Variants in ZBTB7C observed in about 807,000 individuals in gnomAD.
ZBTB7C encodes the protein zinc finger and BTB domain-containing protein 7C.
A neutral mutation model predicts 25.7 loss-of-function variants in ZBTB7C; 8 were observed. The observed-to-expected ratio is 0.31, with a 90% CI of 0.18 to 0.56. ZBTB7C has a LOEUF of 0.56. Ranked by LOEUF, ZBTB7C falls within the 20% of genes least tolerant of loss-of-function variation. The pLI is 0.91. For missense variants in ZBTB7C, 824 were observed against 855.2 expected (o/e 0.96, Z 0.46); for synonymous variants, 394 against 369.0 (o/e 1.07, Z -0.78).
chr18:48,194,885 G>T (rs1342068573), intron 2 of ZBTB7C, among the ~76,000 whole-genome samples: 1 of 151,610 alleles, frequency 6.6e-6, no homozygotes, highest in East Asian at 2.0e-4. Context: ...ATCTGGGAGG[G>T]GGGAGGGGGC....
intron 2 of ZBTB7C, among the ~76,000 whole-genome samples, chr18:48,211,339 C>G (rs1167929405): frequency 5.9e-5 from 9 of 152,058 alleles, no homozygotes; most frequent in Non-Finnish European, 1.3e-4. Context: ...AACTGGTAAG[C>G]TGAACCTCAT....
At chr18:48,397,871 G>A (rs1226633791) in intron 1 of ZBTB7C, among the ~76,000 whole-genome samples, 3 of 152,228 alleles carry the variant, frequency 2.0e-5, no homozygotes, top group South Asian at 2.1e-4. Flanking sequence ...AACCTCACCC[G>A]GGACCAAAGA....
chr18:48,039,777 C>T (rs533766864), intron 4 of ZBTB7C, 123 bp downstream of exon 4: 35 of 1,029,350 alleles, frequency 3.4e-5, no homozygotes, highest in East Asian at 2.6e-4. Flanking sequence ...CTGCTAGCCA[C>T]GAGCCTGCAT....
At chr18:48,043,840 C>T (rs1339430717) in intron 3 of ZBTB7C, among the ~76,000 whole-genome samples, 2 of 152,140 alleles carry the variant, frequency 1.3e-5, no homozygotes, top group African/African-American at 2.4e-5. Flanking sequence ...CGGGAAACAA[C>T]CTAAAGCCAC....
At chr18:48,042,355 C>T (rs961501630) in intron 3 of ZBTB7C, among the ~76,000 whole-genome samples, 16 of 152,326 alleles carry the variant, frequency 1.1e-4, no homozygotes, top group African/African-American at 3.8e-4. Flanking sequence ...CTTCTACTTA[C>T]AGCAAAGCTT....
Position 48,027,363 on chromosome 18 carries a change from T to C in ZBTB7C, c.*1897A>G. ...GGATTCCAATTTATTCATGTTTCCT[T>C]TTTTTTTTTTTTTCCTCTCTTTTAA... is the stretch of plus-strand genomic sequence containing the variant. On this transcript the variant is annotated 3_prime_UTR_variant, in exon 5 of 5. Transcript: ENST00000590800. 7.1e-6 allele frequency: 1 copy of C among 140,616 alleles called. No individual in the cohort carries two copies. Among genetic ancestry groups the C allele is most frequent in the South Asian group, 2.2e-4 (1 of 4,616 alleles). 8.7% of individuals were successfully genotyped at this position (140,616 alleles called of 1,614,324 possible).
At chr18:48,224,246 A>G (rs931852836) in intron 2 of ZBTB7C, among the ~76,000 whole-genome samples, 1 of 152,232 alleles carries the variant, frequency 6.6e-6, no homozygotes, top group Non-Finnish European at 1.5e-5. Flanking sequence ...CCATACTCAT[A>G]GGCTCAGCAC....
At chr18:48,309,806 C>T (rs192381372) in intron 2 of ZBTB7C, among the ~76,000 whole-genome samples, 82 of 152,282 alleles carry the variant, frequency 5.4e-4, no homozygotes, top group African/African-American at 1.9e-3. Context: ...CCTGGCTGCA[C>T]CAAATACTCT....
intron 2 of ZBTB7C, among the ~76,000 whole-genome samples, chr18:48,327,606 TGCCCCACA>T (rs1183432602): frequency 6.6e-6 from 1 of 152,144 alleles, no homozygotes; most frequent in East Asian, 1.9e-4. Context: ...GGGGGTACAA[TGCCCCACA>T]ACCTGGCATT....
chr18:48,322,182 TG>T (rs2046111883), intron 2 of ZBTB7C, among the ~76,000 whole-genome samples: 1 of 152,208 alleles, frequency 6.6e-6, no homozygotes, highest in Non-Finnish European at 1.5e-5. Flanking sequence ...GGACTTGGCT[TG>T]CCCATAGCCC....
intron 1 of ZBTB7C, among the ~76,000 whole-genome samples, chr18:48,371,839 C>T (rs1367117974): frequency 1.3e-5 from 2 of 152,206 alleles, no homozygotes; most frequent in African/African-American, 4.8e-5. Flanking sequence ...CCATTAATCA[C>T]CACTGTTTCC....
At chr18:48,071,483 C>T (rs996347076) in intron 3 of ZBTB7C, among the ~76,000 whole-genome samples, 12 of 152,162 alleles carry the variant, frequency 7.9e-5, no homozygotes, top group African/African-American at 2.9e-4. Flanking sequence ...GTCAAAGAAA[C>T]TAAATAACAA....
chr18:48,379,778 A>G (rs1436785932), intron 1 of ZBTB7C, among the ~76,000 whole-genome samples: 1 of 152,216 alleles, frequency 6.6e-6, no homozygotes, highest in Non-Finnish European at 1.5e-5. Flanking sequence ...AAACTCAACA[A>G]TAAGAAAACA....
rs140950859 is a variant in ZBTB7C at position 48,351,728 on chromosome 18, T to C, written c.-303-13330A>G. On this transcript the variant is annotated intron_variant, in intron 1 of 4. Transcript: ENST00000590800. ...ACTTATTCAGGAAGACAGGAAGCCT[T>C]TGACAGCAGTGACTGATTAAGATTT... Among the ~76,000 whole-genome samples the C allele has an allele frequency of 4.3e-4, 66 of 152,328 alleles. 1 individual carries two copies. In the East Asian group the frequency reaches 0.01, roughly 24 times the overall value.
At chr18:48,368,242 C>CAAAAAAAAAAAAAAAAACAAAAA in intron 1 of ZBTB7C, among the ~76,000 whole-genome samples, 1 of 95,526 alleles carries the variant, frequency 1.0e-5, no homozygotes, top group Admixed American at 1.1e-4. Flanking sequence ...GAAAGCCTAG[C>CAAAAAAAAAAAAAAAAACAAAAA]AAAAAAAAAA....
chr18:48,189,358 T>C (rs1467381399), intron 2 of ZBTB7C, among the ~76,000 whole-genome samples: 1 of 152,216 alleles, frequency 6.6e-6, no homozygotes, highest in East Asian at 1.9e-4. Flanking sequence ...TTTTTTTCTA[T>C]GCCCTGGATT....
intron 3 of ZBTB7C, among the ~76,000 whole-genome samples, chr18:48,054,466 A>G (rs759568771): frequency 7.9e-5 from 12 of 152,094 alleles, no homozygotes; most frequent in Non-Finnish European, 1.6e-4. Context: ...GACTCATCAC[A>G]GGTGTAAGAT....
chr18:48,161,545 C>A (rs1007385497), intron 3 of ZBTB7C, among the ~76,000 whole-genome samples: 20 of 152,252 alleles, frequency 1.3e-4, no homozygotes, highest in African/African-American at 4.8e-4. Flanking sequence ...GGTTCGCCCA[C>A]CTTTCTCTCC....
chr18:48,260,731 G>C (rs1390264789), intron 2 of ZBTB7C, among the ~76,000 whole-genome samples: 8 of 152,158 alleles, frequency 5.3e-5, no homozygotes, highest in Non-Finnish European at 1.0e-4. Context: ...CAAAACCAAA[G>C]CACAAGACAC....
Sources: gnomAD v4.1 joint callset for allele counts (sites outside exome capture counted in the v4.1 genomes callset) on GRCh38, gnomAD v4.1.1 for gene constraint, MANE v1.5 for transcripts, NCBI Gene and HGNC (gene_info 2026-07-23, HGNC 2026-07-21) for gene names.